ARMC6: variants seen among roughly 807,000 people sequenced by gnomAD.
ARMC6 encodes armadillo repeat containing 6.
A neutral mutation model predicts 49.2 loss-of-function variants in ARMC6; 43 were observed. The ratio of observed to expected loss-of-function variants is 0.87; its 90% CI spans 0.69 to 1.13. ARMC6 has a LOEUF of 1.13. ARMC6 is among the 50% of genes most tolerant of loss of function. The pLI is 0.00. For missense variants in ARMC6, 627 were observed against 682.0 expected (o/e 0.92, Z 0.90); for synonymous variants, 262 against 289.6 (o/e 0.90, Z 0.97).
chr19:19,044,665 G>A (rs533907770), intron 4 of ARMC6, among the ~76,000 whole-genome samples: 28 of 152,360 alleles, frequency 1.8e-4, no homozygotes, highest in Non-Finnish European at 3.5e-4. Flanking sequence ...TTTGAGAACC[G>A]ACTGTGGGCC....
At chr19:19,052,667 G>C (rs2059509270) in intron 5 of ARMC6, among the ~76,000 whole-genome samples, 1 of 152,214 alleles carries the variant, frequency 6.6e-6, no homozygotes. Flanking sequence ...TCACAGTGCT[G>C]ACCGTCAGAC....
intron 2 of ARMC6, among the ~76,000 whole-genome samples, chr19:19,041,405 G>T (rs1276509319): frequency 6.6e-6 from 1 of 152,002 alleles, no homozygotes; most frequent in Admixed American, 6.6e-5. Context: ...CTGGTGTGCA[G>T]TGGTGCAATC....
chr19:19,054,649 G>A (rs918930624), intron 6 of ARMC6, among the ~76,000 whole-genome samples: 7 of 152,078 alleles, frequency 4.6e-5, no homozygotes, highest in East Asian at 1.9e-4. Context: ...TCATTACTCC[G>A]TTTAGCAGCC....
intron 4 of ARMC6, among the ~76,000 whole-genome samples, chr19:19,048,485 T>C (rs1448209062): frequency 6.6e-6 from 1 of 151,488 alleles, no homozygotes; most frequent in Non-Finnish European, 1.5e-5. Context: ...ATCATGCCAC[T>C]GTACTCCAGC....
chr19:19,056,018 G>C, intron 8 of ARMC6, 90 bp downstream of exon 8: 2 of 1,437,624 alleles, frequency 1.4e-6, no homozygotes, highest in Non-Finnish European at 1.9e-6. Context: ...CGGTGTGCGG[G>C]TGGGTGATGG....
intron 4 of ARMC6, among the ~76,000 whole-genome samples, chr19:19,044,555 C>T (rs1244218734): frequency 3.3e-5 from 5 of 152,248 alleles, no homozygotes; most frequent in Admixed American, 1.3e-4. Flanking sequence ...GGAGCTGGCA[C>T]TTAACCTCTC....
chr19:19,057,382 C>G, intron 8 of ARMC6, 34 bp from the exon 9 acceptor site: 2 of 1,591,174 alleles, frequency 1.3e-6, no homozygotes, highest in Non-Finnish European at 1.7e-6. Context: ...CCCCAAAGCC[C>G]CATCTGGCAG....
rs567971779 is a variant in ARMC6, at chr19:19,057,988, C to A, written c.*360C>A. On this transcript the variant is annotated 3_prime_UTR_variant, in exon 9 of 9. Coordinates refer to ENST00000535612, the MANE Select transcript of ARMC6 (RefSeq NM_001199196.2). ...TGGGCCAGGCTCAGGGCAGGGCAGG[C>A]GATTCCAGTGGGGTTGGGCCCCCTG... 3.3e-5 allele frequency: 12 copies of A among 364,234 alleles called. No individual in the cohort carries two copies. The East Asian group carries it at 8.0e-4, about 24-fold the overall frequency. The allele number at this position is 364,234 out of a possible 1,614,324, so 22.6% of individuals were successfully genotyped here. A position where few individuals can be genotyped will look rare whatever the true frequency, so the allele number is the denominator to read the frequency against.
At chr19:19,056,186 T>G (rs373221146) in intron 8 of ARMC6, among the ~76,000 whole-genome samples, 11 of 152,152 alleles carry the variant, frequency 7.2e-5, no homozygotes, top group South Asian at 4.2e-4. Context: ...TCTCCTTTTT[T>G]GGGGAGGGGG....
intron 2 of ARMC6, chr19:19,039,391 C>T (rs796281859): frequency 4.6e-5 from 21 of 454,572 alleles, no homozygotes; most frequent in African/African-American, 3.8e-4. Context: ...CCCACCTTGG[C>T]CTCCTAAAGC....
At chr19:19,049,829 G>A (rs534528838) in intron 4 of ARMC6, among the ~76,000 whole-genome samples, 1 of 152,266 alleles carries the variant, frequency 6.6e-6, no homozygotes, top group East Asian at 1.9e-4. Context: ...TTAGAGACCA[G>A]CCTGGCCAAC....
intron 4 of ARMC6, among the ~76,000 whole-genome samples, chr19:19,050,305 G>A (rs571617862): frequency 6.6e-6 from 1 of 152,320 alleles, no homozygotes; most frequent in South Asian, 2.1e-4. Context: ...GGGTGTACAG[G>A]TATCTCTTTG....
intron 5 of ARMC6, among the ~76,000 whole-genome samples, chr19:19,052,504 A>G (rs1158085732): frequency 6.6e-6 from 1 of 152,152 alleles, no homozygotes; most frequent in East Asian, 1.9e-4. Flanking sequence ...GGACCTCCCC[A>G]GAGGGAAATA....
intron 4 of ARMC6, among the ~76,000 whole-genome samples, chr19:19,045,434 T>TA (rs1369624408): frequency 6.6e-5 from 10 of 151,560 alleles, no homozygotes; most frequent in African/African-American, 2.4e-4. Flanking sequence ...CAATATCGTC[T>TA]ATATTGTCTA....
chr19:19,051,371 C>CTGTGTGTGTG (rs1349643143), intron 4 of ARMC6, among the ~76,000 whole-genome samples: 6 of 122,794 alleles, frequency 4.9e-5, no homozygotes, highest in African/African-American at 2.3e-4. Flanking sequence ...CTCTCTCTCT[C>CTGTGTGTGTG]TCTCTGTGTG....
At chr19:19,042,605 C>A in intron 2 of ARMC6, 106 bp from the exon 3 acceptor site, 4 of 1,162,650 alleles carry the variant, frequency 3.4e-6, no homozygotes, top group Non-Finnish European at 3.8e-6. Context: ...GGTTGTAGGG[C>A]TCTGGTCGCT....
chr19:19,053,801 A>C (rs2059519736), intron 5 of ARMC6, among the ~76,000 whole-genome samples: 2 of 150,914 alleles, frequency 1.3e-5, no homozygotes, highest in African/African-American at 4.9e-5. Flanking sequence ...GCACTTAGAG[A>C]AGCCATTCCT....
chr19:19,054,271 C>T lies in ARMC6; in HGVS notation c.973C>T (p.Leu325=), dbSNP rs768216994. The change falls in exon 6 of 9, where the codon CTG becomes TTG. Residue 325 remains leucine (L), a synonymous_variant. Transcript: ENST00000535612. ...CGGGGGCCTGAGCATTCTGGTGTCC[C>T]TGCTAGCCGACTGCAATGACCACCA... The part of the protein sequence containing the change: ...DLGGLSILVS[L]LADCNDHQMR... 18 of 1,609,942 alleles carry T rather than the reference C, an allele frequency of 1.1e-5. No homozygotes were observed. In the East Asian group the frequency reaches 2.2e-4, roughly 20 times the overall value.
chr19:19,040,717 C>T (rs920470612), intron 2 of ARMC6: 7 of 433,650 alleles, frequency 1.6e-5, no homozygotes, highest in African/African-American at 6.2e-5. Context: ...GGCATGATCT[C>T]GGCTCACTGC....
Sources: allele counts gnomAD v4.1 joint callset (sites outside exome capture counted in the v4.1 genomes callset), GRCh38; gene constraint gnomAD v4.1.1; transcripts MANE v1.5; gene names NCBI Gene and HGNC (gene_info 2026-07-23, HGNC 2026-07-21).